The following SACS variants were observed in gnomAD, a reference collection of about 807,000 sequenced individuals.
SACS encodes the protein sacsin.
Under a neutral mutation model 348.0 loss-of-function variants are expected in SACS, and 197 were observed. The observed-to-expected ratio is 0.57, with a 90% CI of 0.50 to 0.64. SACS has a LOEUF of 0.64. Among genes scored for constraint, SACS ranks in the 30% least tolerant of loss-of-function variants. The pLI is 0.00. For synonymous variants in SACS, 1,985 were observed against 1,910.6 expected (o/e 1.04, Z -1.02); for missense variants, 4,999 against 5,360.8 (o/e 0.93, Z 2.11).
intron 2 of SACS, 156 bp from the exon 3 acceptor site, chr13:23,375,425 T>G: frequency 1.9e-5 from 22 of 1,186,396 alleles, no homozygotes; most frequent in Admixed American, 9.1e-5. Flanking sequence ...CGGCCGGCCC[T>G]ACCGCGTCCA....
At chr13:23,375,490 G>A in intron 2 of SACS, 1 of 1,144,600 alleles carries the variant, frequency 8.7e-7, no homozygotes, top group Non-Finnish European at 1.1e-6. Context: ...CCCGTACGCA[G>A]CAGCCCGCGC....
chr13:23,378,333 G>A (rs945606261), intron 2 of SACS, among the ~76,000 whole-genome samples: 3 of 152,120 alleles, frequency 2.0e-5, no homozygotes, highest in Non-Finnish European at 4.4e-5. Flanking sequence ...CATTAGAAAG[G>A]AAAAACGTGA....
chr13:23,395,119 T>C (rs1867183432), intron 2 of SACS, among the ~76,000 whole-genome samples: 1 of 129,292 alleles, frequency 7.7e-6, no homozygotes. Context: ...TGGGTCAGAG[T>C]CCTGGGCTTC....
At chr13:23,393,001 C>T (rs958300652) in intron 2 of SACS, among the ~76,000 whole-genome samples, 7 of 152,150 alleles carry the variant, frequency 4.6e-5, no homozygotes, top group African/African-American at 1.4e-4. Context: ...AGGCCATTCA[C>T]CAACCCTCAC....
At chr13:23,409,562 A>G (rs979830273) in intron 2 of SACS, among the ~76,000 whole-genome samples, 7 of 147,376 alleles carry the variant, frequency 4.7e-5, no homozygotes, top group Admixed American at 4.1e-4. Context: ...TGGTCAGGCT[A>G]GTCTGGAACT....
At position 23,340,447 on chromosome 13, in the gene SACS, T is replaced by C. The variant is rs1869096503; in HGVS notation, c.3429A>G (p.Gln1143=). 7 of 1,614,040 alleles carry C rather than the reference T, an allele frequency of 4.3e-6. No individual in the cohort carries two copies. The highest frequency in any genetic ancestry group is 1.1e-5 in the South Asian group (1 of 91,040). ...TCAATGTCATCTTTCCTTCAGATGA[T>C]TGCAACAGTGTGTGATTCTTATTTA... is the stretch of plus-strand genomic sequence containing the variant. ...LVLNKNHTLL[Q]SSEGKMTLKK... is the part of the protein sequence containing the mutation. Residue 1143 remains glutamine (Q), a synonymous_variant, in exon 10 of 10, where the codon CAA becomes CAG. Transcript: ENST00000382292.
At chr13:23,378,657 T>C (rs1392494635) in intron 2 of SACS, among the ~76,000 whole-genome samples, 1 of 152,102 alleles carries the variant, frequency 6.6e-6, no homozygotes, top group African/African-American at 2.4e-5. Flanking sequence ...GCCAGGCTGG[T>C]CTTGAACTCC....
Position 23,334,175 on chromosome 13 carries a change from C to T in SACS, c.9701G>A (p.Trp3234Ter). The change falls in exon 10 of 10, where the codon TGG becomes TAG. Residue 3234 changes from tryptophan (W) to a stop codon, truncating the protein, a stop_gained. Coordinates refer to ENST00000382292, the MANE Select transcript of SACS (RefSeq NM_014363.6). LOFTEE classifies it high-confidence loss of function. The stretch of plus-strand genomic sequence containing the variant: ...AGACTCACTTGCAAAATTGTCTTTC[C>T]ACTTTGTGCAACTTTTGGTCTTATA... ...REYKTKSCTK[W>*]KDNFASESWL... The T allele has an allele frequency of 6.2e-7, 1 of 1,613,868 alleles. No individual in the cohort carries two copies. Among genetic ancestry groups the T allele is most frequent in the Non-Finnish European group, 8.5e-7 (1 of 1,179,828 alleles).
Position 23,355,538 on chromosome 13 carries a change from GTTAC to G in SACS, c.1070_1073del (p.Ser357ThrfsTer14). 6.2e-7 allele frequency: 1 copy of G among 1,614,068 alleles called. No homozygotes were observed. Among genetic ancestry groups the G allele is most frequent in the Non-Finnish European group, 8.5e-7 (1 of 1,179,980 alleles). On this transcript the variant is annotated frameshift_variant, in exon 8 of 10. Transcript: ENST00000382292. LOFTEE classifies it high-confidence loss of function. ...TATTGCTTGGAGTCTTTTTACAATA[GTTAC>G]TTATAGCAGTTCCCAGAATCTTTAT...
At chr13:23,385,917 A>G (rs907727026) in intron 2 of SACS, among the ~76,000 whole-genome samples, 11 of 152,200 alleles carry the variant, frequency 7.2e-5, no homozygotes, top group Non-Finnish European at 1.6e-4. Flanking sequence ...ACCAGGTGCA[A>G]TGTCAATAAG....
Position 23,375,286 on chromosome 13 carries a change from G to A in SACS, c.21-17C>T, listed in dbSNP as rs766045899. The A allele has an allele frequency of 7.7e-6, 11 of 1,434,222 alleles. No individual in the cohort carries two copies. In the East Asian group the frequency reaches 3.4e-4, roughly 44 times the overall value. The allele number at this position is 1,434,222 out of a possible 1,614,324, so 88.8% of individuals were successfully genotyped here. ...GGGACCCACCTGTGGAAAGCAGAGGGACGCTCAGTCGGGCTGCGGCTGCCA... is the reference window on the plus strand; with the variant it reads ...GGGACCCACCTGTGGAAAGCAGAGGAACGCTCAGTCGGGCTGCGGCTGCCA... On this transcript the variant is annotated splice_polypyrimidine_tract_variant and intron_variant, in intron 2 of 9. Coordinates refer to ENST00000382292, the MANE Select transcript of SACS (RefSeq NM_014363.6).
At chr13:23,429,643 G>A (rs927753495) in intron 1 of SACS, among the ~76,000 whole-genome samples, 1 of 151,816 alleles carries the variant, frequency 6.6e-6, no homozygotes, top group East Asian at 2.0e-4. Flanking sequence ...GATTACAGGC[G>A]TGAGCCACCG....
intron 1 of SACS, among the ~76,000 whole-genome samples, chr13:23,429,345 A>ATTT (rs536939164): frequency 0.11 from 5,701 of 51,426 alleles, 2,032 homozygotes; most frequent in Non-Finnish European, 0.16. Flanking sequence ...TGAGGTAGGG[A>ATTT]TTTTTTTTTT....
rs749093421 is a variant in SACS, at chr13:23,332,113, G to A, written c.11763C>T (p.Ile3921=). 5.5e-5 allele frequency: 89 copies of A among 1,613,912 alleles called. No individual in the cohort carries two copies. The highest frequency in any genetic ancestry group is 7.4e-5 in the Non-Finnish European group (87 of 1,179,974). Reference sequence around the variant, plus strand: ...AATGTGGCGCATCGTCAAACACTAAGATGCTTGACTTTACCAATCTACCAT... The same window carrying A: ...AATGTGGCGCATCGTCAAACACTAAAATGCTTGACTTTACCAATCTACCAT... ...SQDGRLVKSS[I]LVFDDAPHYK... is the part of the protein sequence containing the mutation. Residue 3921 remains isoleucine, a synonymous_variant, in exon 10 of 10, where the codon ATC becomes ATT. Transcript: ENST00000382292.
intron 9 of SACS, among the ~76,000 whole-genome samples, chr13:23,344,864 T>C (rs1205315647): frequency 6.6e-6 from 1 of 152,226 alleles, no homozygotes; most frequent in Non-Finnish European, 1.5e-5. Context: ...TTCAAAATAA[T>C]AACATCAACA....
intron 3 of SACS, chr13:23,373,964 C>A (rs1871574955): frequency 6.6e-6 from 1 of 152,512 alleles, no homozygotes; most frequent in South Asian, 2.0e-4. Context: ...ACAGGCCAGT[C>A]ATGCCCCTCC....
chr13:23,422,328 G>A (rs527614592), intron 1 of SACS, among the ~76,000 whole-genome samples: 16 of 152,248 alleles, frequency 1.1e-4, no homozygotes, highest in Non-Finnish European at 2.2e-4. Flanking sequence ...AATGTAACCT[G>A]TGTTTTTATT....
intron 1 of SACS, among the ~76,000 whole-genome samples, chr13:23,430,110 A>G (rs1215365428): frequency 6.6e-6 from 1 of 152,064 alleles, no homozygotes; most frequent in African/African-American, 2.4e-5. Flanking sequence ...CGAGAGGCTG[A>G]GGCAGGAGAA....
In SACS at chr13:23,334,475, A is replaced by G. The variant is rs1883699681; in HGVS notation, c.9401T>C (p.Leu3134Pro). Residue 3134 changes from leucine to proline, a missense_variant, in exon 10 of 10, where the codon CTT becomes CCT. Leu to Pro is a moderately conservative substitution (Grantham distance 98). Around this residue, in one of 6 missense-constraint regions of SACS, gnomAD observed 734 missense variants for 694.0 expected, o/e 1.06. Transcript: ENST00000382292. ...TNLKLFHSLK[L>P]LVDYCFKDAE... Reference sequence around the variant, plus strand: ...ATCTTTAAAACAATAATCAACTAAAAGTTTTAAACTATGAAAAAGTTTTAG... The same window carrying G: ...ATCTTTAAAACAATAATCAACTAAAGGTTTTAAACTATGAAAAAGTTTTAG... 1 of 1,612,750 alleles carries G rather than the reference A, an allele frequency of 6.2e-7. No individual in the cohort carries two copies. Among genetic ancestry groups the G allele is most frequent in the South Asian group, 1.1e-5 (1 of 91,066 alleles).
Sources: gnomAD v4.1 joint callset for allele counts (sites outside exome capture counted in the v4.1 genomes callset) on GRCh38, gnomAD v4.1.1 for gene constraint, gnomAD v4.1.1 regional missense constraint, MANE v1.5 for transcripts, NCBI Gene and HGNC (gene_info 2026-07-23, HGNC 2026-07-21) for gene names.